The following UPB1 variants were observed in gnomAD, a reference collection of about 807,000 sequenced individuals.
UPB1 encodes beta-ureidopropionase 1, also known as beta-ureidopropionase.
UPB1 carries 40 observed loss-of-function variants against 49.1 expected under a neutral mutation model. That is an observed-to-expected ratio of 0.81 (90% confidence interval 0.63 to 1.06). The LOEUF is 1.06. UPB1 is among the 50% of genes least tolerant of loss of function. The pLI, the probability that UPB1 is intolerant of heterozygous loss-of-function variation, is 0.00. For missense variants in UPB1, 499 were observed against 505.9 expected, an observed-to-expected ratio of 0.99 and a Z score of 0.13; for synonymous variants, 207 against 198.2, an observed-to-expected ratio of 1.04 and a Z score of -0.38.
At chr22:24,505,585 C>A (rs75114629) in intron 3 of UPB1, among the ~76,000 whole-genome samples, 3,985 of 152,232 alleles carry the variant, frequency 0.026, 175 homozygotes, top group African/African-American at 0.09. Flanking sequence ...TGCTCCAAAG[C>A]CAGAGAGCCT....
At chr22:24,495,543 G>C (rs770336967) in intron 1 of UPB1, 36 bp downstream of exon 1, 11 of 1,609,902 alleles carry the variant, frequency 6.8e-6, no homozygotes, top group Non-Finnish European at 8.5e-6. Context: ...TGGGGTCTTG[G>C]GGCCACAGAG....
rs2044496264 is a variant in UPB1, at chr22:24,528,167, T to C, written c.*2373T>C. ...CTTAGTGTTTTTGGTTTCTAGAGGGTGTAATCAACCTAATACAGAAGCCAG... is the reference window on the plus strand; with the variant it reads ...CTTAGTGTTTTTGGTTTCTAGAGGGCGTAATCAACCTAATACAGAAGCCAG... On this transcript the variant is annotated 3_prime_UTR_variant, in exon 10 of 10. Coordinates refer to ENST00000326010, the MANE Select transcript of UPB1 (RefSeq NM_016327.3). 6.6e-6 allele frequency: 1 copy of C among 152,132 alleles called. No individual in the cohort carries two copies. The highest frequency in any genetic ancestry group is 2.4e-5 in the African/African-American group (1 of 41,408). The allele number at this position is 152,132 out of a possible 1,614,324, so 9.4% of individuals were successfully genotyped here.
intron 2 of UPB1, 114 bp from the exon 3 acceptor site, chr22:24,502,012 A>C: frequency 9.7e-7 from 1 of 1,034,638 alleles, no homozygotes; most frequent in Non-Finnish European, 1.5e-6. Flanking sequence ...TCCCCACCCT[A>C]CTCCTCATAC....
At chr22:24,510,619 G>A (rs1331856097) in intron 3 of UPB1, 130 bp from the exon 4 acceptor site, 17 of 966,304 alleles carry the variant, frequency 1.8e-5, no homozygotes, top group East Asian at 2.5e-5. Flanking sequence ...CCAGGAACAG[G>A]ACCCAGAAGC....
Position 24,525,845 on chromosome 22 carries a change from A to G in UPB1, c.*51A>G. 3 of 1,605,136 alleles carry G rather than the reference A, an allele frequency of 1.9e-6. No individual in the cohort carries two copies. The highest frequency in any genetic ancestry group is 2.6e-6 in the Non-Finnish European group (3 of 1,172,060). Reference sequence around the variant, plus strand: ...GAGGAAGACACCTCTGCCCCAGTGGATTAGCAAGTGTGGCAGGCTTAACAT... The same window carrying G: ...GAGGAAGACACCTCTGCCCCAGTGGGTTAGCAAGTGTGGCAGGCTTAACAT... On this transcript the variant is annotated 3_prime_UTR_variant, in exon 10 of 10. Coordinates refer to ENST00000326010, the MANE Select transcript of UPB1 (RefSeq NM_016327.3).
rs1568999674 is a variant in UPB1, at chr22:24,527,018, A to T, written c.*1224A>T. The T allele has an allele frequency of 6.6e-6, 1 of 152,186 alleles. No homozygotes were observed. The highest frequency in any genetic ancestry group is 1.9e-4 in the East Asian group (1 of 5,192). The allele number at this position is 152,186 out of a possible 1,614,324, so 9.4% of individuals were successfully genotyped here. A position where few individuals can be genotyped will look rare whatever the true frequency, so the allele number is the denominator to read the frequency against. On this transcript the variant is annotated 3_prime_UTR_variant, in exon 10 of 10. Transcript: ENST00000326010. ...GTGGTTGAGCTCCATTTTACACATC[A>T]GATTACTCACTTCTCTACACCTTGG...
chr22:24,519,478 A>G (rs1385285382), intron 6 of UPB1, among the ~76,000 whole-genome samples: 1 of 151,868 alleles, frequency 6.6e-6, no homozygotes, highest in African/African-American at 2.4e-5. Context: ...CGGGCCAGAG[A>G]AGGACAGGGT....
Position 24,515,275 on chromosome 22 carries a change from T to C in UPB1, c.696T>C (p.Ile232=). 1 of 1,614,136 alleles carries C rather than the reference T, an allele frequency of 6.2e-7. No individual in the cohort carries two copies. The highest frequency in any genetic ancestry group is 1.1e-5 in the South Asian group (1 of 91,072). Residue 232 remains isoleucine, a synonymous_variant, in exon 6 of 10, where the codon ATT becomes ATC. Coordinates refer to ENST00000326010, the MANE Select transcript of UPB1 (RefSeq NM_016327.3). The part of the protein sequence containing the change: ...QTQFGRIAVN[I]CYGRHHPLNW... ...AGTTCGGAAGGATCGCGGTGAACATTTGCTACGGGCGGCACCACCCCCTCA... is the reference window on the plus strand; with the variant it reads ...AGTTCGGAAGGATCGCGGTGAACATCTGCTACGGGCGGCACCACCCCCTCA...
At chr22:24,498,623 C>T (rs1439901658) in intron 1 of UPB1, among the ~76,000 whole-genome samples, 1 of 151,966 alleles carries the variant, frequency 6.6e-6, no homozygotes, top group Non-Finnish European at 1.5e-5. Flanking sequence ...GCTGGCTAGG[C>T]GGAGGCATCA....
intron 3 of UPB1, among the ~76,000 whole-genome samples, chr22:24,509,361 GAAAA>G (rs202081655): frequency 1.5e-4 from 14 of 92,170 alleles, no homozygotes; most frequent in African/African-American, 4.7e-4. Flanking sequence ...CCTACTGTTT[GAAAA>G]AAAAAAAAAA....
At chr22:24,522,072 T>C in intron 8 of UPB1, 44 bp downstream of exon 8, 2 of 1,596,430 alleles carry the variant, frequency 1.3e-6, no homozygotes, top group Non-Finnish European at 1.7e-6. Flanking sequence ...GGAGTGGGCC[T>C]TCCTCTCCCC....
chr22:24,514,587 C>T (rs963327776), intron 5 of UPB1, among the ~76,000 whole-genome samples: 10 of 152,172 alleles, frequency 6.6e-5, no homozygotes, highest in Admixed American at 2.6e-4. Flanking sequence ...CCCTGGCACC[C>T]TTAGGAGCAG....
In UPB1 at chr22:24,520,483, C is replaced by T. The variant is rs370177721; in HGVS notation, c.873+15C>T. ...GAGTGGGCACCGTAAGTCCCGAGGT[C>T]TGGCTGGGGAGAGGAGCCACCACCT... On this transcript the variant is annotated intron_variant, in intron 7 of 9. Coordinates refer to ENST00000326010, the MANE Select transcript of UPB1 (RefSeq NM_016327.3). 86 of 1,612,870 alleles carry T rather than the reference C, an allele frequency of 5.3e-5. No individual in the cohort carries two copies. Among genetic ancestry groups the T allele is most frequent in the Middle Eastern group, 1.6e-4 (1 of 6,082 alleles).
In UPB1 at chr22:24,502,147, A is replaced by G. The variant is rs755697579; in HGVS notation, c.298A>G (p.Ile100Val). ...AEQVSALHRR[I>V]KAIVEVAAMC... ...TCAGGTCTCTGCCCTTCATAGACGC[A>G]TAAAGGCTATCGTAGAGGTGGCTGC... Residue 100 changes from isoleucine (I) to valine (V), a missense_variant, in exon 3 of 10, where the codon ATA (isoleucine) becomes GTA (valine). Physicochemically the swap from Ile to Val is conservative, Grantham distance 29 (BLOSUM62 3). Coordinates refer to ENST00000326010, the MANE Select transcript of UPB1 (RefSeq NM_016327.3). 3 of 1,614,248 alleles carry G rather than the reference A, an allele frequency of 1.9e-6. No individual in the cohort carries two copies. Among genetic ancestry groups the G allele is most frequent in the Admixed American group, 1.7e-5 (1 of 60,036 alleles).
At chr22:24,525,635 C>A in intron 9 of UPB1, 76 bp from the exon 10 acceptor site, 1 of 1,573,024 alleles carries the variant, frequency 6.4e-7, no homozygotes. Flanking sequence ...CCTCCAGTGG[C>A]AAGAGGTGGT....
At chr22:24,516,077 A>G (rs1206442968) in intron 6 of UPB1, among the ~76,000 whole-genome samples, 1 of 152,254 alleles carries the variant, frequency 6.6e-6, no homozygotes, top group African/African-American at 2.4e-5. Flanking sequence ...TGGATGGGGA[A>G]CTGTGGATTC....
At chr22:24,496,989 G>GT (rs2043902412) in intron 1 of UPB1, among the ~76,000 whole-genome samples, 1 of 152,126 alleles carries the variant, frequency 6.6e-6, no homozygotes, top group African/African-American at 2.4e-5. Context: ...CAGCAAGTGA[G>GT]TAAACACATG....
intron 3 of UPB1, among the ~76,000 whole-genome samples, chr22:24,508,566 GAAAAAA>G (rs760083449): frequency 7.4e-6 from 1 of 134,534 alleles, no homozygotes; most frequent in Non-Finnish European, 1.7e-5. Context: ...TCTCAAAAAA[GAAAAAA>G]AAAGAAAGAA....
intron 1 of UPB1, among the ~76,000 whole-genome samples, chr22:24,497,624 C>T (rs1173859256): frequency 6.6e-6 from 1 of 152,084 alleles, no homozygotes; most frequent in African/African-American, 2.4e-5. Flanking sequence ...GCCTCAGTAG[C>T]AGGGTGAGGG....
Sources: allele counts gnomAD v4.1 joint callset (sites outside exome capture counted in the v4.1 genomes callset), GRCh38; gene constraint gnomAD v4.1.1; transcripts MANE v1.5; gene names NCBI Gene and HGNC (gene_info 2026-07-23, HGNC 2026-07-21).